The following MSL1 variants were observed in gnomAD, a reference collection of about 807,000 sequenced individuals.
MSL1 encodes MSL complex subunit 1.
MSL1 carries 21 observed loss-of-function variants against 64.6 expected under a neutral mutation model. The ratio of observed to expected loss-of-function variants is 0.33; its 90% CI spans 0.23 to 0.47. The LOEUF (loss-of-function observed/expected upper bound fraction) is 0.47. Among genes scored for constraint, MSL1 ranks in the 20% least tolerant of loss-of-function variants. The pLI is 1.00. For synonymous variants in MSL1, 339 were observed against 329.6 expected (o/e 1.03, Z -0.31); for missense variants, 664 against 793.2 (o/e 0.84, Z 1.96).
chr17:40,122,975 C>T lies in MSL1; in HGVS notation c.363C>T (p.Ala121=). The T allele has an allele frequency of 2.0e-6, 3 of 1,527,654 alleles. No individual in the cohort carries two copies. The highest frequency in any genetic ancestry group is 2.6e-6 in the Non-Finnish European group (3 of 1,143,998). 94.6% of individuals were successfully genotyped at this position (1,527,654 alleles called of 1,614,324 possible). The change falls in exon 1 of 9, where the codon GCC becomes GCT. Residue 121 remains alanine (A), a synonymous_variant. Coordinates refer to ENST00000398532, the MANE Select transcript of MSL1 (RefSeq NM_001365919.1). This position sits in a 1 kb window ranked among gnomAD's most constrained non-coding sequence, Gnocchi z 4.2. ...QAGIGGEPAA[A]GAGCSPRPKY... ...GCATTGGGGGGGAGCCTGCCGCAGC[C>T]GGAGCCGGCTGCAGCCCCCGGCCCA...
Position 40,131,813 on chromosome 17 carries a change from G to A in MSL1, c.1424-221G>A. On this transcript the variant is annotated intron_variant, in intron 4 of 8. Transcript: ENST00000398532. The surrounding 1 kb of genome is among the most constrained non-coding windows in gnomAD (Gnocchi z 4.5). ...TCAGGTATTGGTTTAGGGTTTTTGT[G>A]ATCCTGAGTTTGGCAGACTGCAATG... 1 of 616,410 alleles carries A rather than the reference G, an allele frequency of 1.6e-6. No homozygotes were observed. Among genetic ancestry groups the A allele is most frequent in the Non-Finnish European group, 2.9e-6 (1 of 347,634 alleles). 38.2% of individuals were successfully genotyped at this position (616,410 alleles called of 1,614,324 possible).
intron 6 of MSL1, 37 bp downstream of exon 6, chr17:40,133,146 C>G: frequency 6.4e-7 from 1 of 1,561,294 alleles, no homozygotes; most frequent in East Asian, 2.3e-5. Context: ...AACAACTGAG[C>G]CCTAGGACCT....
rs1364649856 is a variant in MSL1 at position 40,122,994 on chromosome 17, C to G, written c.382C>G (p.Arg128Gly). 1.3e-6 allele frequency: 2 copies of G among 1,528,974 alleles called. No individual in the cohort carries two copies. Among genetic ancestry groups the G allele is most frequent in the Non-Finnish European group, 1.7e-6 (2 of 1,144,510 alleles). The allele number at this position is 1,528,974 out of a possible 1,614,324, so 94.7% of individuals were successfully genotyped here. The change falls in exon 1 of 9, where the codon CGG becomes GGG. Residue 128 changes from arginine (R) to glycine (G), a missense_variant. Transcript: ENST00000398532. The surrounding 1 kb of genome is among the most constrained non-coding windows in gnomAD (Gnocchi z 4.2). Reference sequence around the variant, plus strand: ...CGCAGCCGGAGCCGGCTGCAGCCCCCGGCCCAAGTATCAGGCGGTGCTGCC... The same window carrying G: ...CGCAGCCGGAGCCGGCTGCAGCCCCGGGCCCAAGTATCAGGCGGTGCTGCC... The part of the protein sequence containing the change: ...PAAAGAGCSP[R>G]PKYQAVLPIQ...
At position 40,135,184 on chromosome 17, in the gene MSL1, A is replaced by G. The variant is rs1007807254; in HGVS notation, c.*815A>G. The G allele has an allele frequency of 3.3e-5, 5 of 152,178 alleles. No homozygotes were observed. The highest frequency in any genetic ancestry group is 1.2e-4 in the African/African-American group (5 of 41,392). The allele number at this position is 152,178 out of a possible 1,614,324, so 9.4% of individuals were successfully genotyped here. ...CACATCACTTCTCAAGTATTCCTTCATTGGGCTTCATCCTTTTAGCAGAAC... is the reference window on the plus strand; with the variant it reads ...CACATCACTTCTCAAGTATTCCTTCGTTGGGCTTCATCCTTTTAGCAGAAC... On this transcript the variant is annotated 3_prime_UTR_variant, in exon 9 of 9. Coordinates refer to ENST00000398532, the MANE Select transcript of MSL1 (RefSeq NM_001365919.1).
In MSL1 at chr17:40,131,556, T is replaced by C; in HGVS notation, c.1395T>C (p.Ser465=). ...ATTTAGGGTGTCTGATGCCATCAAG[T>C]GTTGCAGGAGAAACTTCAGTCTTGG... ...ETVARCLMPS[S]VAGETSVLAV... The change falls in exon 4 of 9, where the codon AGT becomes AGC. Residue 465 remains serine, a synonymous_variant. Transcript: ENST00000398532. The surrounding 1 kb of genome is among the most constrained non-coding windows in gnomAD (Gnocchi z 4.5). The C allele has an allele frequency of 6.2e-7, 1 of 1,613,778 alleles. No individual in the cohort carries two copies. Among genetic ancestry groups the C allele is most frequent in the Non-Finnish European group, 8.5e-7 (1 of 1,179,826 alleles).
intron 5 of MSL1, 57 bp downstream of exon 5, chr17:40,132,155 G>A: frequency 5.6e-6 from 7 of 1,256,658 alleles, no homozygotes; most frequent in Non-Finnish European, 7.9e-6. Flanking sequence ...GAATGTGAGG[G>A]TATAACTGGA....
chr17:40,133,952 G>C, intron 8 of MSL1, 53 bp downstream of exon 8: 1 of 1,492,452 alleles, frequency 6.7e-7, no homozygotes, highest in African/African-American at 1.4e-5. Context: ...ATCCTTTTCA[G>C]ACTTCATGGA....
chr17:40,133,844 A>G lies in MSL1; in HGVS notation c.1699A>G (p.Thr567Ala), dbSNP rs954630702. The stretch of plus-strand genomic sequence containing the variant: ...TCCCATAGTTGAAAGTTTGATGATT[A>G]CCCCCTTCTTGCCTGTTGTAGCATT... ...EPDDVESLMI[T>A]PFLPVVAFGR... Residue 567 changes from threonine (T) to alanine (A), a missense_variant, in exon 8 of 9, where the codon ACC becomes GCC. By Grantham distance (58) the Thr-to-Ala change is moderately conservative (BLOSUM62 0). Coordinates refer to ENST00000398532, the MANE Select transcript of MSL1 (RefSeq NM_001365919.1). 6.2e-7 allele frequency: 1 copy of G among 1,613,866 alleles called. No homozygotes were observed. Among genetic ancestry groups the G allele is most frequent in the Non-Finnish European group, 8.5e-7 (1 of 1,179,850 alleles).
rs1354576640 is a variant in MSL1, at chr17:40,122,989, GC to G, written c.382del (p.Arg128GlyfsTer75). 3.3e-6 allele frequency: 5 copies of G among 1,528,840 alleles called. No homozygotes were observed. The South Asian group carries it at 3.6e-5, about 11-fold the overall frequency. The allele number at this position is 1,528,840 out of a possible 1,614,324, so 94.7% of individuals were successfully genotyped here. On this transcript the variant is annotated frameshift_variant, in exon 1 of 9. Coordinates refer to ENST00000398532, the MANE Select transcript of MSL1 (RefSeq NM_001365919.1). LOFTEE classifies it high-confidence loss of function. This position sits in a 1 kb window ranked among gnomAD's most constrained non-coding sequence, Gnocchi z 4.2. ...CCTGCCGCAGCCGGAGCCGGCTGCA[GC>G]CCCCGGCCCAAGTATCAGGCGGTGC... is the stretch of plus-strand genomic sequence containing the variant. ...GEPAAAGAGCSPRPKYQAVLP... is the reference protein window; with the variant it reads ...GEPAAAGAGCXPRPKYQAVLP...
At chr17:40,126,798 C>A in intron 2 of MSL1, 1 of 159,972 alleles carries the variant, frequency 6.3e-6, no homozygotes, top group East Asian at 1.7e-4. Flanking sequence ...CAGAGCGAGA[C>A]TCCGTCAAAA....
Position 40,129,592 on chromosome 17 carries a change from G to A in MSL1, c.1340G>A (p.Arg447Gln), listed in dbSNP as rs1163805668. The change falls in exon 3 of 9, where the codon CGG (arginine) becomes CAG (glutamine). Residue 447 changes from arginine (R) to glutamine (Q), a missense_variant. Arg to Gln is a conservative substitution (Grantham distance 43). Coordinates refer to ENST00000398532, the MANE Select transcript of MSL1 (RefSeq NM_001365919.1). ...HQPPPSPLPLRESSPKKEETV... is the reference protein window; with the variant it reads ...HQPPPSPLPLQESSPKKEETV... ...CCTCCCCCATCACCGTTACCATTACGGGAATCCTCTCCAAAGAAGGAGGAG... is the reference window on the plus strand; with the variant it reads ...CCTCCCCCATCACCGTTACCATTACAGGAATCCTCTCCAAAGAAGGAGGAG... The A allele has an allele frequency of 2.5e-6, 4 of 1,611,332 alleles. No individual in the cohort carries two copies. Among genetic ancestry groups the A allele is most frequent in the East Asian group, 4.5e-5 (2 of 44,854 alleles).
Position 40,131,350 on chromosome 17 carries a change from G to T in MSL1, c.1376-187G>T. ...TCAGTGTAAAAAAAAAAAGTGGTGGGCTTATTTTCTTTTCTTTTGTCTGTT... is the reference window on the plus strand; with the variant it reads ...TCAGTGTAAAAAAAAAAAGTGGTGGTCTTATTTTCTTTTCTTTTGTCTGTT... On this transcript the variant is annotated intron_variant, in intron 3 of 8. Coordinates refer to ENST00000398532, the MANE Select transcript of MSL1 (RefSeq NM_001365919.1). The surrounding 1 kb of genome is among the most constrained non-coding windows in gnomAD (Gnocchi z 4.5). 1 of 516,956 alleles carries T rather than the reference G, an allele frequency of 1.9e-6. No homozygotes were observed. The highest frequency in any genetic ancestry group is 3.5e-6 in the Non-Finnish European group (1 of 287,516). 32.0% of individuals were successfully genotyped at this position (516,956 alleles called of 1,614,324 possible). A position where few individuals can be genotyped will look rare whatever the true frequency, so the allele number is the denominator to read the frequency against.
intron 1 of MSL1, 73 bp from the exon 2 acceptor site, chr17:40,126,110 C>T (rs1046945511): frequency 1.5e-6 from 2 of 1,374,064 alleles, no homozygotes; most frequent in South Asian, 2.4e-5. Flanking sequence ...ATACTGATTC[C>T]TAAATGGGGC....
chr17:40,129,824 T>C (rs977198307), intron 3 of MSL1, 197 bp downstream of exon 3: 3 of 591,086 alleles, frequency 5.1e-6, no homozygotes, highest in Non-Finnish European at 8.4e-6. Flanking sequence ...GTGCTCAATG[T>C]ATTTGCCTGC....
intron 1 of MSL1, among the ~76,000 whole-genome samples, chr17:40,125,728 G>T (rs979530154): frequency 1.3e-5 from 2 of 152,126 alleles, no homozygotes; most frequent in African/African-American, 4.8e-5. Context: ...GGAGGCGGAG[G>T]TTGCAGTGAG....
chr17:40,136,562 T>C lies in MSL1; in HGVS notation c.*2193T>C, dbSNP rs1018933658. On this transcript the variant is annotated 3_prime_UTR_variant, in exon 9 of 9. Transcript: ENST00000398532. ...CAATCTTCAACTGAAGGCCCTGCAG[T>C]TCTCCTAAAACATAGTTGTTTGTTT... 1.3e-5 allele frequency: 2 copies of C among 152,372 alleles called. No homozygotes were observed. The highest frequency in any genetic ancestry group is 2.4e-5 in the African/African-American group (1 of 41,466). The allele number at this position is 152,372 out of a possible 1,614,324, so 9.4% of individuals were successfully genotyped here.
rs753552682 is a variant in MSL1, at chr17:40,126,178, T to C, written c.769-5T>C. 72 of 1,613,640 alleles carry C rather than the reference T, an allele frequency of 4.5e-5. No homozygotes were observed. The highest frequency in any genetic ancestry group is 5.3e-5 in the Non-Finnish European group (63 of 1,179,674). ...AAGTCTGCATTTTGCTACTCTCTCT[T>C]TTAGCTCCTTGCTCGGATTGAACGT... On this transcript the variant is annotated splice_region_variant and splice_polypyrimidine_tract_variant and intron_variant, in intron 1 of 8. Coordinates refer to ENST00000398532, the MANE Select transcript of MSL1 (RefSeq NM_001365919.1).
rs1024545516 is a variant in MSL1, at chr17:40,135,474, C to T, written c.*1105C>T. ...ATCTGAAAGGAAAATAGAGCCAAGA[C>T]CTCTGGTCTCAAATATATAGGAATT... On this transcript the variant is annotated 3_prime_UTR_variant, in exon 9 of 9. Transcript: ENST00000398532. 2.0e-5 allele frequency: 3 copies of T among 152,340 alleles called. No homozygotes were observed. The highest frequency in any genetic ancestry group is 7.2e-5 in the African/African-American group (3 of 41,438). 9.4% of individuals were successfully genotyped at this position (152,340 alleles called of 1,614,324 possible).
chr17:40,126,103 C>A (rs28376556), intron 1 of MSL1, 80 bp from the exon 2 acceptor site: 155 of 1,281,504 alleles, frequency 1.2e-4, no homozygotes, highest in Non-Finnish European at 1.6e-4. Context: ...GAAGACTATA[C>A]TGATTCCTAA....
Sources: allele counts gnomAD v4.1 joint callset (sites outside exome capture counted in the v4.1 genomes callset), GRCh38; gene constraint gnomAD v4.1.1; non-coding constraint Gnocchi (gnomAD v3.1); transcripts MANE v1.5; gene names NCBI Gene and HGNC (gene_info 2026-07-23, HGNC 2026-07-21).